The following CSMD1 variants were observed in gnomAD, a reference collection of about 807,000 sequenced individuals.
CSMD1 encodes the protein CUB and Sushi multiple domains 1.
Under a neutral mutation model 417.5 loss-of-function variants are expected in CSMD1, and 213 were observed. The ratio of observed to expected loss-of-function variants is 0.51; its 90% CI spans 0.46 to 0.57. The LOEUF (loss-of-function observed/expected upper bound fraction) is 0.57. Ranked by LOEUF, CSMD1 falls within the 20% of genes least tolerant of loss-of-function variation. The pLI is 0.00. For synonymous variants in CSMD1, 2,862 were observed against 1,736.8 expected, an observed-to-expected ratio of 1.65 and a Z score of -16.11; for missense variants, 6,923 against 4,529.7, an observed-to-expected ratio of 1.53 and a Z score of -15.17.
rs1173205476 is a variant in CSMD1 at position 4,453,307 on chromosome 8, C to G, written c.303-33242G>C. On this transcript the variant is annotated intron_variant, in intron 2 of 69. Coordinates refer to ENST00000635120, the MANE Select transcript of CSMD1 (RefSeq NM_033225.6). ...AATTTACACTCCCACTGGCAATCAA[C>G]TGTCCCCAAGAATTCAGACTCCCAC... Among the ~76,000 whole-genome samples the G allele has an allele frequency of 3.3e-5, 5 of 152,064 alleles. No homozygotes were observed. The East Asian group carries it at 5.8e-4, about 18-fold the overall frequency.
intron 55 of CSMD1, among the ~76,000 whole-genome samples, chr8:2,978,198 A>C (rs1460130364): frequency 1.3e-5 from 2 of 152,208 alleles, no homozygotes; most frequent in African/African-American, 4.8e-5. Flanking sequence ...GTCAACAGAC[A>C]GAAACTCCAC....
intron 6 of CSMD1, among the ~76,000 whole-genome samples, chr8:3,709,678 A>ATTTTTTTTTTTTTTTTTTT (rs1563296488): frequency 4.1e-5 from 1 of 24,320 alleles, no homozygotes; most frequent in Non-Finnish European, 8.9e-5. Flanking sequence ...TTGCAGCAGC[A>ATTTTTTTTTTTTTTTTTTT]TGTTTTTTTT....
At chr8:4,049,339 T>C (rs966962309) in intron 3 of CSMD1, among the ~76,000 whole-genome samples, 3 of 151,948 alleles carry the variant, frequency 2.0e-5, no homozygotes, top group African/African-American at 4.8e-5. Flanking sequence ...CTAGATGCCA[T>C]AGCACTCCAA....
At chr8:3,720,563 G>A (rs573628071) in intron 6 of CSMD1, among the ~76,000 whole-genome samples, 15 of 151,106 alleles carry the variant, frequency 9.9e-5, no homozygotes, top group African/African-American at 3.4e-4. Flanking sequence ...CTTAAACAGG[G>A]GTGACACTTC....
chr8:4,496,440 G>A (rs1433953304), intron 2 of CSMD1, among the ~76,000 whole-genome samples: 9 of 152,124 alleles, frequency 5.9e-5, no homozygotes, highest in African/African-American at 2.2e-4. Context: ...ATAAAAGCCT[G>A]GACATTCTAT....
At position 2,935,700 on chromosome 8, in the gene CSMD1, T is replaced by C. The variant is rs1801405688; in HGVS notation, c.*2885A>G. On this transcript the variant is annotated 3_prime_UTR_variant, in exon 70 of 70. Coordinates refer to ENST00000635120, the MANE Select transcript of CSMD1 (RefSeq NM_033225.6). ...TACAAAAAGGTCTTTCGCACCTACGTCGTGACAGCAGCGTGTGGTGGGACG... is the reference window on the plus strand; with the variant it reads ...TACAAAAAGGTCTTTCGCACCTACGCCGTGACAGCAGCGTGTGGTGGGACG... 6.6e-6 allele frequency: 1 copy of C among 152,154 alleles called. No individual in the cohort carries two copies. The highest frequency in any genetic ancestry group is 2.4e-5 in the African/African-American group (1 of 41,438). The allele number at this position is 152,154 out of a possible 1,614,324, so 9.4% of individuals were successfully genotyped here. A position where few individuals can be genotyped will look rare whatever the true frequency, so the allele number is the denominator to read the frequency against.
intron 10 of CSMD1, among the ~76,000 whole-genome samples, chr8:3,526,461 A>G (rs981517159): frequency 6.6e-6 from 1 of 152,104 alleles, no homozygotes; most frequent in Non-Finnish European, 1.5e-5. Flanking sequence ...ATATTACCAG[A>G]AGCTGGCTAT....
At chr8:3,382,507 T>TTA (rs1554532554) in intron 18 of CSMD1, among the ~76,000 whole-genome samples, 3 of 131,610 alleles carry the variant, frequency 2.3e-5, no homozygotes, top group Non-Finnish European at 3.1e-5. Context: ...GTATATAAAT[T>TTA]TATATATATA....
At chr8:4,685,041 A>G (rs993519499) in intron 1 of CSMD1, among the ~76,000 whole-genome samples, 1 of 152,332 alleles carries the variant, frequency 6.6e-6, no homozygotes, top group Non-Finnish European at 1.5e-5. Context: ...GCAGCTTCCA[A>G]CATGATTCTT....
chr8:4,526,156 G>C (rs1233683908), intron 2 of CSMD1, among the ~76,000 whole-genome samples: 1 of 152,164 alleles, frequency 6.6e-6, no homozygotes, highest in East Asian at 1.9e-4. Flanking sequence ...GTTGTTAAGA[G>C]AGAACCAACA....
At chr8:4,324,055 T>C (rs1312175372) in intron 3 of CSMD1, among the ~76,000 whole-genome samples, 3 of 152,078 alleles carry the variant, frequency 2.0e-5, no homozygotes, top group Non-Finnish European at 4.4e-5. Context: ...GTAGTTCAAA[T>C]TTACCCGAGG....
In CSMD1 at chr8:4,344,067, A is replaced by G. The variant is rs141316573; in HGVS notation, c.415+75886T>C. Among the ~76,000 whole-genome samples, 328 of 152,290 alleles carry G rather than the reference A, an allele frequency of 2.2e-3. 2 individuals are homozygous for G. The highest frequency in any genetic ancestry group is 2.1e-3 in the Non-Finnish European group (146 of 68,000). ...TGTGTGTATGTGCGTGTGCGCACAC[A>G]CATACTCTGGCTTAACACGGTATAC... On this transcript the variant is annotated intron_variant, in intron 3 of 69. Coordinates refer to ENST00000635120, the MANE Select transcript of CSMD1 (RefSeq NM_033225.6).
At chr8:3,785,015 A>T (rs953716732) in intron 5 of CSMD1, among the ~76,000 whole-genome samples, 1 of 152,206 alleles carries the variant, frequency 6.6e-6, no homozygotes, top group Non-Finnish European at 1.5e-5. Flanking sequence ...CTAAACAGTT[A>T]TAAGTAGAGG....
chr8:3,902,229 T>A (rs146832659), intron 5 of CSMD1, among the ~76,000 whole-genome samples: 3 of 152,288 alleles, frequency 2.0e-5, no homozygotes, highest in African/African-American at 7.2e-5. Flanking sequence ...TTTCAGCCCA[T>A]TGACCACCTC....
intron 5 of CSMD1, among the ~76,000 whole-genome samples, chr8:3,986,285 T>A (rs538449128): frequency 6.6e-6 from 1 of 152,194 alleles, no homozygotes; most frequent in East Asian, 1.9e-4. Flanking sequence ...CTCTCTACAA[T>A]CCTTCCCTAT....
chr8:3,264,078 C>T (rs1376673195), intron 26 of CSMD1, among the ~76,000 whole-genome samples: 2 of 151,980 alleles, frequency 1.3e-5, no homozygotes, highest in African/African-American at 2.4e-5. Flanking sequence ...AACTTTATTT[C>T]CCAGAGATCC....
At chr8:4,042,333 G>T (rs924739721) in intron 3 of CSMD1, among the ~76,000 whole-genome samples, 1 of 152,080 alleles carries the variant, frequency 6.6e-6, no homozygotes, top group Non-Finnish European at 1.5e-5. Context: ...AAAGATAAAG[G>T]GGCCAGGTGA....
chr8:4,271,066 A>C (rs576040429), intron 3 of CSMD1, among the ~76,000 whole-genome samples: 7 of 152,322 alleles, frequency 4.6e-5, no homozygotes, highest in Admixed American at 1.3e-4. Flanking sequence ...GCTGGTGCAG[A>C]AAGTTCAGAA....
chr8:3,104,511 T>G (rs182055076), intron 46 of CSMD1, among the ~76,000 whole-genome samples: 1 of 152,250 alleles, frequency 6.6e-6, no homozygotes, highest in African/African-American at 2.4e-5. Context: ...ATAGTTCTCA[T>G]GTAGATACAA....
Sources: gnomAD v4.1 joint callset for allele counts (sites outside exome capture counted in the v4.1 genomes callset) on GRCh38, gnomAD v4.1.1 for gene constraint, MANE v1.5 for transcripts, NCBI Gene and HGNC (gene_info 2026-07-23, HGNC 2026-07-21) for gene names.